Variants in MAT1A observed in about 807,000 individuals in gnomAD.
The protein encoded by MAT1A is methionine adenosyltransferase 1A.
Under a neutral mutation model 44.0 loss-of-function variants are expected in MAT1A, and 19 were observed. That is an observed-to-expected ratio of 0.43 (90% confidence interval 0.30 to 0.63). The LOEUF (loss-of-function observed/expected upper bound fraction) is 0.63. Among genes scored for constraint, MAT1A ranks in the 30% least tolerant of loss-of-function variants. MAT1A has a pLI of 0.12. For missense variants in MAT1A, 397 were observed against 531.0 expected (o/e 0.75, Z 2.48); for synonymous variants, 205 against 205.6 (o/e 1.00, Z 0.03).
intron 1 of MAT1A, among the ~76,000 whole-genome samples, chr10:80,288,576 C>T (rs993257536): frequency 2.0e-5 from 3 of 152,182 alleles, no homozygotes; most frequent in African/African-American, 7.2e-5. Flanking sequence ...AAATTTTCTT[C>T]CTGTTTAGAA....
At chr10:80,287,624 G>T (rs757527735) in intron 1 of MAT1A, among the ~76,000 whole-genome samples, 9 of 152,142 alleles carry the variant, frequency 5.9e-5, no homozygotes, top group Admixed American at 2.0e-4. Flanking sequence ...ACCACTAGCC[G>T]CTGCATGCCA....
chr10:80,275,483 CT>C (rs780609622), intron 6 of MAT1A: 254 of 500,362 alleles, frequency 5.1e-4, no homozygotes, highest in Non-Finnish European at 7.8e-4. Flanking sequence ...GCCTTTGTTA[CT>C]GAGTCCATCA....
Position 80,273,511 on chromosome 10 carries a change from T to TC in MAT1A, c.*269_*270insG. On this transcript the variant is annotated 3_prime_UTR_variant, in exon 9 of 9. Coordinates refer to ENST00000372213, the MANE Select transcript of MAT1A (RefSeq NM_000429.3). ...TGAGGGAATTCACTCTTGACGGGGG[T>TC]GCCTTTTCCACTAAATTAACATTGC... is the stretch of plus-strand genomic sequence containing the variant. 1 of 461,446 alleles carries TC rather than the reference T, an allele frequency of 2.2e-6. No individual in the cohort carries two copies. The highest frequency in any genetic ancestry group is 4.0e-6 in the Non-Finnish European group (1 of 249,384). 28.6% of individuals were successfully genotyped at this position (461,446 alleles called of 1,614,324 possible).
In MAT1A at chr10:80,289,488, G is replaced by T. The variant is rs371316857; in HGVS notation, c.-65C>A. 4.5e-6 allele frequency: 5 copies of T among 1,104,084 alleles called. No individual in the cohort carries two copies. Among genetic ancestry groups the T allele is most frequent in the Non-Finnish European group, 6.7e-6 (5 of 751,474 alleles). The allele number at this position is 1,104,084 out of a possible 1,614,324, so 68.4% of individuals were successfully genotyped here. A position where few individuals can be genotyped will look rare whatever the true frequency, so the allele number is the denominator to read the frequency against. ...ATTTTGAGGCTGTGACTTTGCCTGA[G>T]TTTTTTTTTCTTCTTCTTCTTCTTC... On this transcript the variant is annotated 5_prime_UTR_variant, in exon 1 of 9. Transcript: ENST00000372213.
At chr10:80,274,390 C>T in intron 8 of MAT1A, 130 bp downstream of exon 8, 1 of 1,322,900 alleles carries the variant, frequency 7.6e-7, no homozygotes, top group South Asian at 1.2e-5. Flanking sequence ...TGTGCTGTAC[C>T]AAGAGCTCAC....
At chr10:80,284,319 G>A (rs1241321348) in intron 2 of MAT1A, among the ~76,000 whole-genome samples, 1 of 152,088 alleles carries the variant, frequency 6.6e-6, no homozygotes, top group Non-Finnish European at 1.5e-5. Flanking sequence ...ATTTAATAAA[G>A]CTATTTATAA....
intron 6 of MAT1A, among the ~76,000 whole-genome samples, chr10:80,275,946 C>G (rs1841479141): frequency 6.6e-6 from 1 of 152,198 alleles, no homozygotes; most frequent in Admixed American, 6.5e-5. Flanking sequence ...CTAAAACACC[C>G]TGTCCCACTC....
At chr10:80,274,442 G>T in intron 8 of MAT1A, 78 bp downstream of exon 8, 2 of 1,584,106 alleles carry the variant, frequency 1.3e-6, no homozygotes, top group Non-Finnish European at 1.7e-6. Flanking sequence ...CCTCCTTTCT[G>T]CCTCCCTTTC....
intron 6 of MAT1A, among the ~76,000 whole-genome samples, chr10:80,276,059 G>C (rs1221009825): frequency 2.0e-5 from 3 of 152,228 alleles, no homozygotes; most frequent in Non-Finnish European, 4.4e-5. Context: ...ATGTGCACCA[G>C]AGCAGGGTGA....
chr10:80,280,538 C>T (rs997491989), intron 4 of MAT1A, 142 bp downstream of exon 4: 3 of 966,336 alleles, frequency 3.1e-6, no homozygotes, highest in Non-Finnish European at 5.0e-6. Context: ...CCATCCACAG[C>T]ACGGCCGTGA....
At position 80,275,004 on chromosome 10, in the gene MAT1A, G is replaced by A. The variant is rs1274562036; in HGVS notation, c.951+13C>T. On this transcript the variant is annotated intron_variant, in intron 7 of 8. Transcript: ENST00000372213. ...CCACTGCAACAGGACGGTGGTGGGTGGAGGGGGCTTACCTGGACAAGCACT... is the reference window on the plus strand; with the variant it reads ...CCACTGCAACAGGACGGTGGTGGGTAGAGGGGGCTTACCTGGACAAGCACT... 6.5e-7 allele frequency: 1 copy of A among 1,550,264 alleles called. No homozygotes were observed. The highest frequency in any genetic ancestry group is 1.2e-5 in the South Asian group (1 of 84,032).
rs980270209 is a variant in MAT1A at position 80,273,713 on chromosome 10, C to T, written c.*68G>A. The T allele has an allele frequency of 1.5e-4, 165 of 1,123,252 alleles. No individual in the cohort carries two copies. Among genetic ancestry groups the T allele is most frequent in the Non-Finnish European group, 2.0e-4 (147 of 735,106 alleles). 69.6% of individuals were successfully genotyped at this position (1,123,252 alleles called of 1,614,324 possible). On this transcript the variant is annotated 3_prime_UTR_variant, in exon 9 of 9. Coordinates refer to ENST00000372213, the MANE Select transcript of MAT1A (RefSeq NM_000429.3). ...GTGGGGAAGGCGATCAGCAGCCAGG[C>T]GTCTGGGGAAGAGGAGCATGGCCAC...
In MAT1A at chr10:80,282,814, C is replaced by T. The variant is rs74444412; in HGVS notation, c.292+1102G>A. 8.7e-3 allele frequency among the ~76,000 whole-genome samples: 1,321 copies of T among 152,304 alleles called. 22 individuals are homozygous for T. Among genetic ancestry groups the T allele is most frequent in the African/African-American group, 0.03 (1,260 of 41,550 alleles). ...TACCATGAGTGGGCTCTCTCACTTACAAACGGGGGTCCAGCACCCTGACCC... is the reference window on the plus strand; with the variant it reads ...TACCATGAGTGGGCTCTCTCACTTATAAACGGGGGTCCAGCACCCTGACCC... On this transcript the variant is annotated intron_variant, in intron 3 of 8. Coordinates refer to ENST00000372213, the MANE Select transcript of MAT1A (RefSeq NM_000429.3).
chr10:80,273,766 C>T lies in MAT1A; in HGVS notation c.*15G>A. ...GGTGCCTCCAGGGTGAGACCAGGCC[C>T]AGCTCCCCCTGGCTCTAAAATACAA... On this transcript the variant is annotated 3_prime_UTR_variant, in exon 9 of 9. Transcript: ENST00000372213. 6.3e-7 allele frequency: 1 copy of T among 1,585,926 alleles called. No homozygotes were observed. Among genetic ancestry groups the T allele is most frequent in the Non-Finnish European group, 8.7e-7 (1 of 1,155,574 alleles).
rs1841469345 is a variant in MAT1A at position 80,275,156 on chromosome 10, T to C, written c.812A>G (p.Tyr271Cys). ...VTGRKIIVDTYGGWGAHGGGA... is the reference protein window; with the variant it reads ...VTGRKIIVDTCGGWGAHGGGA... ...ACCACCATGAGCCCCCCAGCCGCCATAGGTGTCCACAATAATCTTACGGCC... is the reference window on the plus strand; with the variant it reads ...ACCACCATGAGCCCCCCAGCCGCCACAGGTGTCCACAATAATCTTACGGCC... The change falls in exon 7 of 9, where the codon TAT becomes TGT. Residue 271 changes from tyrosine (Y) to cysteine (C), a missense_variant. Tyr to Cys is a radical substitution (Grantham distance 194). Transcript: ENST00000372213. 1 of 1,613,628 alleles carries C rather than the reference T, an allele frequency of 6.2e-7. No homozygotes were observed. Among genetic ancestry groups the C allele is most frequent in the South Asian group, 1.1e-5 (1 of 90,960 alleles).
chr10:80,280,583 C>T (rs540299215), intron 4 of MAT1A, 97 bp downstream of exon 4: 20 of 1,174,678 alleles, frequency 1.7e-5, no homozygotes, highest in African/African-American at 7.5e-5. Flanking sequence ...GGCTATCGTG[C>T]TAGGACAAGA....
chr10:80,274,715 G>A, intron 7 of MAT1A, 62 bp from the exon 8 acceptor site: 1 of 1,609,972 alleles, frequency 6.2e-7, no homozygotes, highest in Non-Finnish European at 8.5e-7. Context: ...CCTTTCAGAA[G>A]CTTTGCCCTT....
At position 80,276,404 on chromosome 10, in the gene MAT1A, C is replaced by T. The variant is rs1131691739; in HGVS notation, c.740G>A (p.Ser247Asn). The stretch of plus-strand genomic sequence containing the variant: ...GGGACCTCCGATGACAAACCGCCCA[C>T]TGGGCTGCAGGTGGTAGACGGTGTC... ...DEDTVYHLQP[S>N]GRFVIGGPQG... Residue 247 changes from serine to asparagine, a missense_variant, in exon 6 of 9, where the codon AGT becomes AAT. Physicochemically the swap from Ser to Asn is conservative, Grantham distance 46 (BLOSUM62 1). Coordinates refer to ENST00000372213, the MANE Select transcript of MAT1A (RefSeq NM_000429.3). 8 of 1,614,196 alleles carry T rather than the reference C, an allele frequency of 5.0e-6. 1 individual carries two copies. In the South Asian group the frequency reaches 8.8e-5, roughly 18 times the overall value.
intron 5 of MAT1A, among the ~76,000 whole-genome samples, chr10:80,279,842 G>A (rs1184545472): frequency 6.6e-6 from 1 of 151,870 alleles, no homozygotes; most frequent in African/African-American, 2.4e-5. Flanking sequence ...GCCTGTTCAG[G>A]ACAAAGAGGC....
Sources: allele counts gnomAD v4.1 joint callset (sites outside exome capture counted in the v4.1 genomes callset), GRCh38; gene constraint gnomAD v4.1.1; transcripts MANE v1.5; gene names NCBI Gene and HGNC (gene_info 2026-07-23, HGNC 2026-07-21).